DNAH11: variants seen among roughly 807,000 people sequenced by gnomAD.
DNAH11 encodes axonemal beta dynein heavy chain 11.
DNAH11 carries 442 observed loss-of-function variants against 526.0 expected under a neutral mutation model. The ratio of observed to expected loss-of-function variants is 0.84; its 90% CI spans 0.78 to 0.91. The LOEUF (loss-of-function observed/expected upper bound fraction) is 0.91, where lower values mean the gene tolerates loss of function less well. DNAH11 is among the 40% of genes least tolerant of loss of function. The probability of loss-of-function intolerance (pLI) is 0.00; values close to 1 mark genes in which losing one functional copy is unlikely to be tolerated. For missense variants in DNAH11, 6,989 were observed against 5,448.7 expected (o/e 1.28, Z -8.90); for synonymous variants, 2,461 against 1,935.9 (o/e 1.27, Z -7.12).
chr7:21,569,638 C>T (rs934850957), intron 6 of DNAH11, among the ~76,000 whole-genome samples: 14 of 152,190 alleles, frequency 9.2e-5, no homozygotes, highest in African/African-American at 3.1e-4. Context: ...TCAGCTCTTT[C>T]TCTTTACAAG....
chr7:21,819,106 T>A (rs184245675), intron 65 of DNAH11, among the ~76,000 whole-genome samples: 81 of 152,340 alleles, frequency 5.3e-4, no homozygotes, highest in African/African-American at 1.9e-3. Flanking sequence ...AGACTCCTTA[T>A]GCCTCTTCAC....
At chr7:21,698,565 G>A (rs533138509) in intron 36 of DNAH11, among the ~76,000 whole-genome samples, 3 of 152,212 alleles carry the variant, frequency 2.0e-5, no homozygotes, top group East Asian at 1.9e-4. Context: ...GAGAACATAC[G>A]ATATTTGGCT....
At chr7:21,791,421 A>G (rs2127989552) in intron 61 of DNAH11, among the ~76,000 whole-genome samples, 1 of 152,316 alleles carries the variant, frequency 6.6e-6, no homozygotes, top group Non-Finnish European at 1.5e-5. Context: ...ACCTTTCGCA[A>G]CTTGATCCCC....
Position 21,847,940 on chromosome 7 carries a change from C to T in DNAH11, c.10897-4527C>T, listed in dbSNP as rs545293137. Among the ~76,000 whole-genome samples the T allele has an allele frequency of 8.4e-4, 127 of 151,990 alleles. 1 individual carries two copies. In the Middle Eastern group the frequency reaches 0.01, roughly 12 times the overall value. On this transcript the variant is annotated intron_variant, in intron 66 of 81. Transcript: ENST00000409508. ...CAGCACTTTGGGAGGCTGAGACGGG[C>T]GGATCACGAGGTCAGGGGATCGATA...
intron 9 of DNAH11, among the ~76,000 whole-genome samples, chr7:21,585,144 A>G (rs959056769): frequency 1.3e-5 from 2 of 150,784 alleles, no homozygotes; most frequent in Non-Finnish European, 2.9e-5. Context: ...CTGAACAAAT[A>G]TAAGATGAGA....
intron 22 of DNAH11, 85 bp downstream of exon 22, chr7:21,616,377 T>A: frequency 9.4e-7 from 1 of 1,060,582 alleles, no homozygotes; most frequent in Non-Finnish European, 1.4e-6. Flanking sequence ...ATCTGGTGTA[T>A]TGGGCTGCAT....
At chr7:21,574,808 C>T (rs1187127529) in intron 8 of DNAH11, among the ~76,000 whole-genome samples, 6 of 150,850 alleles carry the variant, frequency 4.0e-5, no homozygotes, top group African/African-American at 1.2e-4. Flanking sequence ...TCAGATGATC[C>T]ACCCTCCTTG....
intron 66 of DNAH11, among the ~76,000 whole-genome samples, chr7:21,846,051 G>C (rs535900391): frequency 1.6e-4 from 25 of 152,272 alleles, no homozygotes; most frequent in African/African-American, 5.8e-4. Flanking sequence ...CTGGTGTATA[G>C]AAGAGCAATG....
chr7:21,584,102 C>A (rs1784403824), intron 9 of DNAH11, among the ~76,000 whole-genome samples: 1 of 152,178 alleles, frequency 6.6e-6, no homozygotes, highest in African/African-American at 2.4e-5. Flanking sequence ...GATTATAAGT[C>A]ATTCTTCTAT....
intron 40 of DNAH11, among the ~76,000 whole-genome samples, chr7:21,710,084 A>G (rs1205144251): frequency 6.6e-6 from 1 of 152,178 alleles, no homozygotes; most frequent in Non-Finnish European, 1.5e-5. Context: ...CATTTCTGTA[A>G]GAGATGTATG....
intron 28 of DNAH11, 108 bp from the exon 29 acceptor site, chr7:21,655,724 A>G (rs955875057): frequency 3.3e-5 from 37 of 1,106,538 alleles, no homozygotes; most frequent in Non-Finnish European, 3.8e-6. Context: ...ATTTTGAGAC[A>G]ACTCTAACTC....
intron 9 of DNAH11, among the ~76,000 whole-genome samples, chr7:21,584,321 CACAG>C (rs1266949148): frequency 6.6e-6 from 1 of 152,058 alleles, no homozygotes; most frequent in African/African-American, 2.4e-5. Context: ...AGCAAACTAA[CACAG>C]GAACAGAAAA....
intron 8 of DNAH11, among the ~76,000 whole-genome samples, chr7:21,574,867 CTTTTTTTTTTTTT>C (rs869117425): frequency 1.2e-4 from 5 of 42,860 alleles, no homozygotes; most frequent in African/African-American, 4.9e-4. Flanking sequence ...CTGCACTGGG[CTTTTTTTTTTTTT>C]TTTTTTTTTT....
Position 21,765,976 on chromosome 7 carries a change from C to A in DNAH11, c.9102+387C>A, listed in dbSNP as rs548370697. Among the ~76,000 whole-genome samples the A allele has an allele frequency of 2.0e-5, 3 of 152,240 alleles. No homozygotes were observed. The South Asian group carries it at 6.2e-4, about 32-fold the overall frequency. ...CTAAAAGCCCAAACAGAAATGTAGT[C>A]ACCGTAGCCACGCACTGCTTGCTTC... On this transcript the variant is annotated intron_variant, in intron 55 of 81. Coordinates refer to ENST00000409508, the MANE Select transcript of DNAH11 (RefSeq NM_001277115.2).
chr7:21,800,387 T>G (rs1583709038), intron 61 of DNAH11, among the ~76,000 whole-genome samples: 1 of 152,120 alleles, frequency 6.6e-6, no homozygotes, highest in Non-Finnish European at 1.5e-5. Context: ...ATCCCAGCAC[T>G]TGGGGAGGCC....
In DNAH11 at chr7:21,725,890, T is replaced by C. The variant is rs1240719613; in HGVS notation, c.7346T>C (p.Ile2449Thr). The C allele has an allele frequency of 8.1e-6, 13 of 1,604,130 alleles. No individual in the cohort carries two copies. Among genetic ancestry groups the C allele is most frequent in the African/African-American group, 1.3e-5 (1 of 74,946 alleles). ...GTGAAATTTCCGTCGCAGGGAACAA[T>C]CTTTGATTATTATGTGGACCACAAA... ...KAVKFPSQGT[I>T]FDYYVDHKTK... The change falls in exon 45 of 82, where the codon ATC becomes ACC. Residue 2449 changes from isoleucine (I) to threonine (T), a missense_variant. Coordinates refer to ENST00000409508, the MANE Select transcript of DNAH11 (RefSeq NM_001277115.2).
intron 55 of DNAH11, among the ~76,000 whole-genome samples, chr7:21,766,166 AAAATTTAAAATC>A (rs1360760772): frequency 1.1e-4 from 16 of 152,346 alleles, no homozygotes; most frequent in Non-Finnish European, 2.2e-4. Flanking sequence ...TGACAAATTT[AAAATTTAAAATC>A]AAATTTAAAA....
intron 18 of DNAH11, among the ~76,000 whole-genome samples, chr7:21,602,503 CCA>C (rs10598501): frequency 0.031 from 4,649 of 151,886 alleles, 227 homozygotes; most frequent in African/African-American, 0.11. Context: ...AAATCATGAA[CCA>C]CAGTCTCACA....
intron 32 of DNAH11, among the ~76,000 whole-genome samples, chr7:21,685,872 C>T (rs1307383942): frequency 6.6e-6 from 1 of 152,136 alleles, no homozygotes; most frequent in Non-Finnish European, 1.5e-5. Context: ...GAATGGCACT[C>T]GTCATTTCTG....
Sources: gnomAD v4.1 joint callset for allele counts (sites outside exome capture counted in the v4.1 genomes callset) on GRCh38, gnomAD v4.1.1 for gene constraint, MANE v1.5 for transcripts, NCBI Gene and HGNC (gene_info 2026-07-23, HGNC 2026-07-21) for gene names.